MVB12B: variants seen among roughly 807,000 people sequenced by gnomAD.
MVB12B encodes the protein ESCRT-I complex subunit MVB12B.
A neutral mutation model predicts 41.6 loss-of-function variants in MVB12B; 16 were observed. The observed-to-expected ratio is 0.38, with a 90% CI of 0.26 to 0.58. MVB12B has a LOEUF of 0.58. Ranked by LOEUF, MVB12B falls within the 20% of genes least tolerant of loss-of-function variation. MVB12B has a pLI of 0.62. For missense variants in MVB12B, 274 were observed against 380.2 expected, an observed-to-expected ratio of 0.72 and a Z score of 2.32; for synonymous variants, 133 against 139.7, an observed-to-expected ratio of 0.95 and a Z score of 0.34.
intron 7 of MVB12B, among the ~76,000 whole-genome samples, chr9:126,447,035 C>T (rs1193594315): frequency 6.6e-6 from 1 of 150,478 alleles, no homozygotes; most frequent in Non-Finnish European, 1.5e-5. Context: ...ACCGCCGCCT[C>T]CCAGGTTCAA....
intron 7 of MVB12B, among the ~76,000 whole-genome samples, chr9:126,461,494 G>A (rs1450262105): frequency 6.6e-6 from 1 of 152,146 alleles, no homozygotes; most frequent in Admixed American, 6.5e-5. Flanking sequence ...GAAACTAAGG[G>A]AACATCTTTT....
At chr9:126,370,231 G>T (rs921656076) in intron 2 of MVB12B, among the ~76,000 whole-genome samples, 1 of 152,116 alleles carries the variant, frequency 6.6e-6, no homozygotes, top group Non-Finnish European at 1.5e-5. Context: ...ATATGGACAT[G>T]TGCCCTCTGA....
In MVB12B at chr9:126,392,299, CTCAG is replaced by C. The variant is rs1406515181; in HGVS notation, c.539+105_539+108del. On this transcript the variant is annotated intron_variant, in intron 5 of 9. Coordinates refer to ENST00000361171, the MANE Select transcript of MVB12B (RefSeq NM_033446.3). This position sits in a 1 kb window ranked among gnomAD's most constrained non-coding sequence, Gnocchi z 4.8. ...AGATTTCCATGCAGCCCCCCAGGCT[CTCAG>C]CCATGGGCCTCTGTCAGCCCAGTGC... 12 of 1,369,280 alleles carry C rather than the reference CTCAG, an allele frequency of 8.8e-6. No homozygotes were observed. Among genetic ancestry groups the C allele is most frequent in the Admixed American group, 5.7e-5 (3 of 52,526 alleles). The allele number at this position is 1,369,280 out of a possible 1,614,324, so 84.8% of individuals were successfully genotyped here.
At chr9:126,482,280 G>A (rs1344200027) in intron 8 of MVB12B, among the ~76,000 whole-genome samples, 1 of 152,240 alleles carries the variant, frequency 6.6e-6, no homozygotes, top group Non-Finnish European at 1.5e-5. Flanking sequence ...GCCTTGACTA[G>A]CTAATAAACA....
intron 7 of MVB12B, among the ~76,000 whole-genome samples, chr9:126,428,403 C>T (rs1335930439): frequency 6.6e-6 from 1 of 152,000 alleles, no homozygotes; most frequent in East Asian, 1.9e-4. Context: ...GTGTATCTTA[C>T]AATGTGATCA....
At chr9:126,358,395 T>C (rs1829940400) in intron 2 of MVB12B, among the ~76,000 whole-genome samples, 1 of 152,136 alleles carries the variant, frequency 6.6e-6, no homozygotes, top group Non-Finnish European at 1.5e-5. Flanking sequence ...TGTGGGTCAA[T>C]TCGCAGGTAG....
rs139059879 is a variant in MVB12B at position 126,492,203 on chromosome 9, C to T, written c.873+8171C>T. On this transcript the variant is annotated intron_variant, in intron 9 of 9. Transcript: ENST00000361171. ...TCTGTACTATCTAGTATGTCTTACA[C>T]GTCTTCGCATGTTCCTTTACAGATC... Among the ~76,000 whole-genome samples the T allele has an allele frequency of 6.3e-3, 924 of 147,190 alleles. 5 individuals carry two copies. The highest frequency in any genetic ancestry group is 0.024 in the South Asian group (104 of 4,364).
At chr9:126,412,134 T>G (rs1250206071) in intron 6 of MVB12B, among the ~76,000 whole-genome samples, 3 of 152,224 alleles carry the variant, frequency 2.0e-5, no homozygotes, top group Non-Finnish European at 4.4e-5. Context: ...TAGAAGGTGC[T>G]TATTAAAATG....
At chr9:126,501,040 G>A (rs942884319) in intron 9 of MVB12B, among the ~76,000 whole-genome samples, 7 of 152,228 alleles carry the variant, frequency 4.6e-5, no homozygotes, top group African/African-American at 1.7e-4. Context: ...GTTCCCTGCC[G>A]TGCATGTGCC....
Position 126,391,913 on chromosome 9 carries a change from G to A in MVB12B, c.410-153G>A, listed in dbSNP as rs934542594. Among the ~76,000 whole-genome samples the A allele has an allele frequency of 1.3e-5, 2 of 152,154 alleles. No individual in the cohort carries two copies. The highest frequency in any genetic ancestry group is 4.8e-5 in the African/African-American group (2 of 41,440). ...CAGGGTGACTGCAGCCCCGGGGAAG[G>A]CAGGCGGCAGAGCGCAGCCCTTCTG... On this transcript the variant is annotated intron_variant, in intron 4 of 9. Coordinates refer to ENST00000361171, the MANE Select transcript of MVB12B (RefSeq NM_033446.3). This position sits in a 1 kb window ranked among gnomAD's most constrained non-coding sequence, Gnocchi z 4.4.
rs188606720 is a variant in MVB12B, at chr9:126,373,834, C to T, written c.205-7230C>T. On this transcript the variant is annotated intron_variant, in intron 2 of 9. Transcript: ENST00000361171. ...TTTTCTTATAAAAGCTATATATGCT[C>T]ATTACCAAAAAAGCAGAAATACAGG... Among the ~76,000 whole-genome samples the T allele has an allele frequency of 2.1e-3, 322 of 152,194 alleles. 1 individual carries two copies. Among genetic ancestry groups the T allele is most frequent in the Middle Eastern group, 0.017 (5 of 294 alleles).
At chr9:126,451,535 T>C (rs1832887907) in intron 7 of MVB12B, among the ~76,000 whole-genome samples, 1 of 151,926 alleles carries the variant, frequency 6.6e-6, no homozygotes, top group Non-Finnish European at 1.5e-5. Flanking sequence ...GAGAACTGGA[T>C]TCAAGCCCAG....
At chr9:126,471,400 C>G (rs1833313229) in intron 7 of MVB12B, among the ~76,000 whole-genome samples, 1 of 152,240 alleles carries the variant, frequency 6.6e-6, no homozygotes, top group African/African-American at 2.4e-5. Context: ...CGTGCTGCCT[C>G]TCACGCGGGG....
intron 9 of MVB12B, among the ~76,000 whole-genome samples, chr9:126,498,598 C>T (rs2119236866): frequency 6.6e-6 from 1 of 152,354 alleles, no homozygotes; most frequent in East Asian, 1.9e-4. Context: ...TGCCCTAATG[C>T]AGGTTTCCCA....
At chr9:126,497,083 G>C (rs1044524374) in intron 9 of MVB12B, among the ~76,000 whole-genome samples, 4 of 152,126 alleles carry the variant, frequency 2.6e-5, no homozygotes, top group Admixed American at 1.3e-4. Context: ...TCAGTGACCC[G>C]GGCTGGGTGC....
At chr9:126,375,363 CTTTT>C (rs35585049) in intron 2 of MVB12B, among the ~76,000 whole-genome samples, 29 of 105,206 alleles carry the variant, frequency 2.8e-4, no homozygotes, top group East Asian at 5.6e-4. Flanking sequence ...TAAATTGATT[CTTTT>C]TTTTTTTTTT....
chr9:126,463,018 G>A (rs1192288038), intron 7 of MVB12B, among the ~76,000 whole-genome samples: 2 of 152,194 alleles, frequency 1.3e-5, no homozygotes, highest in Non-Finnish European at 2.9e-5. Context: ...AGATCAAAGC[G>A]CATGTCAGTT....
intron 7 of MVB12B, among the ~76,000 whole-genome samples, chr9:126,474,018 A>G (rs942452070): frequency 6.6e-6 from 1 of 151,940 alleles, no homozygotes; most frequent in Admixed American, 6.6e-5. Context: ...GGGCCTGGAG[A>G]GAGGGCCACT....
intron 2 of MVB12B, among the ~76,000 whole-genome samples, chr9:126,346,055 C>T (rs762669092): frequency 2.6e-5 from 4 of 152,142 alleles, no homozygotes; most frequent in Non-Finnish European, 5.9e-5. Flanking sequence ...CAGATCATAG[C>T]CACGCTAAGG....
Sources: gnomAD v4.1 joint callset for allele counts (sites outside exome capture counted in the v4.1 genomes callset) on GRCh38, gnomAD v4.1.1 for gene constraint, Gnocchi (gnomAD v3.1) non-coding constraint, MANE v1.5 for transcripts, NCBI Gene and HGNC (gene_info 2026-07-23, HGNC 2026-07-21) for gene names.